Variants in ITGB3BP observed in about 807,000 individuals in gnomAD.
The protein encoded by ITGB3BP is centromere protein R.
A neutral mutation model predicts 29.1 loss-of-function variants in ITGB3BP; 27 were observed. The ratio of observed to expected loss-of-function variants is 0.93; its 90% CI spans 0.68 to 1.28. The LOEUF (loss-of-function observed/expected upper bound fraction) is 1.28, where lower values mean the gene tolerates loss of function less well. Ranked by LOEUF, ITGB3BP falls within the 50% of genes most tolerant of loss-of-function variation. The probability of loss-of-function intolerance (pLI) is 0.00; values close to 1 mark genes in which losing one functional copy is unlikely to be tolerated. For missense variants in ITGB3BP, 192 were observed against 200.2 expected, an observed-to-expected ratio of 0.96 and a Z score of 0.25; for synonymous variants, 61 against 61.4, an observed-to-expected ratio of 0.99 and a Z score of 0.03.
chr1:63,471,678 T>C (rs1645199943), intron 4 of ITGB3BP, among the ~76,000 whole-genome samples: 1 of 152,276 alleles, frequency 6.6e-6, no homozygotes. Context: ...ATAACAGTGC[T>C]ATCTTTTGTA....
intron 1 of ITGB3BP, among the ~76,000 whole-genome samples, chr1:63,511,583 T>C (rs1466907319): frequency 6.6e-6 from 1 of 151,970 alleles, no homozygotes; most frequent in African/African-American, 2.4e-5. Context: ...GATATATATA[T>C]AAAACAAAAT....
chr1:63,463,601 G>C (rs1334150325), intron 4 of ITGB3BP, among the ~76,000 whole-genome samples: 6 of 152,192 alleles, frequency 3.9e-5, no homozygotes, highest in African/African-American at 1.4e-4. Context: ...CACCATTACT[G>C]CATTTTCATA....
intron 2 of ITGB3BP, among the ~76,000 whole-genome samples, chr1:63,506,993 GAGT>G (rs542511956): frequency 2.1e-4 from 32 of 152,324 alleles, no homozygotes; most frequent in African/African-American, 7.5e-4. Context: ...GTTGTTACTA[GAGT>G]AGATGAAGTG....
intron 3 of ITGB3BP, among the ~76,000 whole-genome samples, chr1:63,480,513 C>A (rs1295508508): frequency 6.6e-6 from 1 of 151,764 alleles, no homozygotes; most frequent in African/African-American, 2.4e-5. Context: ...AATGAATAAC[C>A]CAAACTGTTC....
Position 63,523,122 on chromosome 1 carries a change from T to G in ITGB3BP, c.5+7A>C. 5 of 1,614,088 alleles carry G rather than the reference T, an allele frequency of 3.1e-6. No individual in the cohort carries two copies. Among genetic ancestry groups the G allele is most frequent in the Non-Finnish European group, 4.2e-6 (5 of 1,179,994 alleles). On this transcript the variant is annotated splice_region_variant and intron_variant, in intron 1 of 8. Transcript: ENST00000271002. ...AAAACAGCAATACCTGGGGAGGAGA[T>G]ACCTACGGCATTCTGAGATTCGGGA...
intron 4 of ITGB3BP, among the ~76,000 whole-genome samples, chr1:63,476,107 G>A (rs1645335630): frequency 6.6e-6 from 1 of 150,896 alleles, no homozygotes. Flanking sequence ...GGATCACAGT[G>A]TACTACAGCC....
chr1:63,513,942 G>A (rs912215519), intron 1 of ITGB3BP, among the ~76,000 whole-genome samples: 4 of 151,966 alleles, frequency 2.6e-5, no homozygotes, highest in Non-Finnish European at 4.4e-5. Flanking sequence ...GTATAGATGC[G>A]AGTTTTAACA....
chr1:63,476,436 T>C (rs1443213705), intron 4 of ITGB3BP, among the ~76,000 whole-genome samples: 3 of 152,196 alleles, frequency 2.0e-5, no homozygotes, highest in Admixed American at 1.3e-4. Flanking sequence ...CACCAATTCA[T>C]GGAGTGATAT....
chr1:63,446,620 T>C, intron 8 of ITGB3BP, 186 bp downstream of exon 8: 1 of 573,952 alleles, frequency 1.7e-6, no homozygotes, highest in Middle Eastern at 4.7e-4. Context: ...CTAACTGATG[T>C]CAGATGCCCT....
At chr1:63,516,756 A>G (rs930234573) in intron 1 of ITGB3BP, among the ~76,000 whole-genome samples, 1 of 151,814 alleles carries the variant, frequency 6.6e-6, no homozygotes, top group Non-Finnish European at 1.5e-5. Flanking sequence ...AAAAGCAAAT[A>G]CCACATGTTC....
At chr1:63,490,572 A>C (rs1645624704) in intron 2 of ITGB3BP, among the ~76,000 whole-genome samples, 1 of 152,184 alleles carries the variant, frequency 6.6e-6, no homozygotes, top group Non-Finnish European at 1.5e-5. Context: ...GGGCCAGGGC[A>C]GGAAAACTCT....
intron 8 of ITGB3BP, among the ~76,000 whole-genome samples, chr1:63,445,796 CTG>C (rs1557604703): frequency 6.6e-6 from 1 of 152,090 alleles, no homozygotes; most frequent in African/African-American, 2.4e-5. Flanking sequence ...TGGTCTGTCA[CTG>C]TGTTGCCTAG....
At chr1:63,458,565 T>C (rs1020557703) in intron 4 of ITGB3BP, among the ~76,000 whole-genome samples, 1 of 152,094 alleles carries the variant, frequency 6.6e-6, no homozygotes, top group Admixed American at 6.6e-5. Flanking sequence ...CCATGGTATC[T>C]ACTGTACTGT....
intron 2 of ITGB3BP, among the ~76,000 whole-genome samples, chr1:63,499,233 C>T (rs568873366): frequency 6.9e-4 from 103 of 149,634 alleles, no homozygotes; most frequent in African/African-American, 2.4e-3. Context: ...GCGATCTCGG[C>T]TCACCGCAAC....
chr1:63,442,823 A>C (rs1030918944), intron 8 of ITGB3BP: 1 of 152,224 alleles, frequency 6.6e-6, no homozygotes, highest in Non-Finnish European at 1.5e-5. Flanking sequence ...TCAAACTGTC[A>C]TAATACACAG....
chr1:63,524,809 C>CA (rs1288876251), upstream of ITGB3BP, among the ~76,000 whole-genome samples: 3 of 152,012 alleles, frequency 2.0e-5, no homozygotes, highest in South Asian at 2.1e-4. Context: ...GTAAAACGGA[C>CA]AAAAAAATAC....
rs369758991 is a variant in ITGB3BP, at chr1:63,484,249, T to C, written c.185-5416A>G. Among the ~76,000 whole-genome samples the C allele has an allele frequency of 2.3e-4, 35 of 152,196 alleles. No homozygotes were observed. In the South Asian group the frequency reaches 7.3e-3, roughly 32 times the overall value. On this transcript the variant is annotated intron_variant, in intron 3 of 8. Transcript: ENST00000271002. ...TAAGTAATCCTGAGATAATTTAAAG[T>C]ATATAGGAGGGTGTATTGGTTATAT...
chr1:63,469,132 T>C lies in ITGB3BP; in HGVS notation c.254+9632A>G, dbSNP rs1317706261. Among the ~76,000 whole-genome samples the C allele has an allele frequency of 4.0e-5, 6 of 151,714 alleles. No homozygotes were observed. The South Asian group carries it at 8.3e-4, about 21-fold the overall frequency. On this transcript the variant is annotated intron_variant, in intron 4 of 8. Transcript: ENST00000271002. ...TCTCTAAATGTCAGTTTCTTCACCG[T>C]TGTTAGGGCAATAACATTATCTACC...
intron 2 of ITGB3BP, among the ~76,000 whole-genome samples, chr1:63,491,741 C>T (rs1168531124): frequency 6.6e-6 from 1 of 151,986 alleles, no homozygotes; most frequent in African/African-American, 2.4e-5. Context: ...AAATGAAAGG[C>T]ATTGTTTATT....
Sources: gnomAD v4.1 joint callset for allele counts (sites outside exome capture counted in the v4.1 genomes callset) on GRCh38, gnomAD v4.1.1 for gene constraint, MANE v1.5 for transcripts, NCBI Gene and HGNC (gene_info 2026-07-23, HGNC 2026-07-21) for gene names.